PTPRD: variants seen among roughly 807,000 people sequenced by gnomAD.
PTPRD encodes the protein receptor-type tyrosine-protein phosphatase delta.
Under a neutral mutation model 214.5 loss-of-function variants are expected in PTPRD, and 34 were observed. That is an observed-to-expected ratio of 0.16 (90% CI 0.12 to 0.21). The LOEUF is 0.21. Ranked by LOEUF, PTPRD falls within the 10% of genes least tolerant of loss-of-function variation. PTPRD has a pLI of 1.00. For synonymous variants in PTPRD, 1,128 were observed against 845.7 expected (o/e 1.33, Z -5.79); for missense variants, 2,545 against 2,398.7 (o/e 1.06, Z -1.27).
rs7854348 is a variant in PTPRD at position 8,929,743 on chromosome 9, G to A, written c.-104+88954C>T. 1.3e-3 allele frequency among the ~76,000 whole-genome samples: 104 copies of A among 77,912 alleles called. 4 individuals carry two copies. Among genetic ancestry groups the A allele is most frequent in the African/African-American group, 3.4e-3 (68 of 19,966 alleles). The allele number at this position is 77,912 out of a possible 152,430, so 51.1% of individuals were successfully genotyped here. On this transcript the variant is annotated intron_variant, in intron 11 of 45. Transcript: ENST00000381196. ...TGTATATATATATGTGTATATATAT[G>A]TGTATATATATATGTATATATATGT...
At chr9:10,383,533 T>A (rs1050313062) in intron 2 of PTPRD, among the ~76,000 whole-genome samples, 3 of 151,852 alleles carry the variant, frequency 2.0e-5, no homozygotes, top group African/African-American at 7.2e-5. Context: ...GGAAGACAAT[T>A]CAGTTGACAT....
At chr9:9,522,101 G>A (rs1387270937) in intron 8 of PTPRD, among the ~76,000 whole-genome samples, 1 of 144,066 alleles carries the variant, frequency 6.9e-6, no homozygotes, top group Non-Finnish European at 1.5e-5. Context: ...AGGTTGTGGT[G>A]AGCTGAGATT....
chr9:10,524,651 T>A (rs549160311), intron 2 of PTPRD, among the ~76,000 whole-genome samples: 7 of 152,184 alleles, frequency 4.6e-5, no homozygotes, highest in Admixed American at 1.3e-4. Flanking sequence ...CTCTTCAGCA[T>A]TTGGATTCAG....
At chr9:10,267,654 G>A (rs2475350) in intron 3 of PTPRD, among the ~76,000 whole-genome samples, 1 of 152,032 alleles carries the variant, frequency 6.6e-6, no homozygotes, top group Non-Finnish European at 1.5e-5. Context: ...ATTTTGGCAT[G>A]TCTTACCAGG....
chr9:10,498,583 G>A (rs901148316), intron 2 of PTPRD, among the ~76,000 whole-genome samples: 2 of 151,638 alleles, frequency 1.3e-5, no homozygotes, highest in African/African-American at 4.8e-5. Context: ...TAAGATATAC[G>A]CATTTTTGTA....
intron 11 of PTPRD, among the ~76,000 whole-genome samples, chr9:8,984,835 A>G (rs1469609277): frequency 6.6e-6 from 1 of 152,128 alleles, no homozygotes; most frequent in Non-Finnish European, 1.5e-5. Flanking sequence ...TGTGGGAATC[A>G]TATATTACAT....
intron 11 of PTPRD, among the ~76,000 whole-genome samples, chr9:8,803,016 C>A (rs989086610): frequency 6.6e-6 from 1 of 152,086 alleles, no homozygotes; most frequent in Admixed American, 6.6e-5. Context: ...ACAACAGCAC[C>A]ATTGTACTCC....
chr9:10,129,000 G>A (rs1324036124), intron 3 of PTPRD, among the ~76,000 whole-genome samples: 1 of 152,022 alleles, frequency 6.6e-6, no homozygotes, highest in African/African-American at 2.4e-5. Context: ...TTGGCTTTGG[G>A]AATACACAAA....
intron 11 of PTPRD, among the ~76,000 whole-genome samples, chr9:8,939,966 T>C (rs886404997): frequency 1.3e-5 from 2 of 151,988 alleles, no homozygotes; most frequent in African/African-American, 2.4e-5. Context: ...ACTCAGTTAA[T>C]CTTTTTTTAA....
At chr9:9,391,897 T>C (rs970902418) in intron 9 of PTPRD, among the ~76,000 whole-genome samples, 1 of 152,140 alleles carries the variant, frequency 6.6e-6, no homozygotes, top group Non-Finnish European at 1.5e-5. Flanking sequence ...TAAAGAAGAC[T>C]TTGGTTCACA....
In PTPRD at chr9:8,749,563, A is replaced by C. The variant is rs1006187594; in HGVS notation, c.-103-15617T>G. On this transcript the variant is annotated intron_variant, in intron 11 of 45. Coordinates refer to ENST00000381196, the MANE Select transcript of PTPRD (RefSeq NM_002839.4). ...GACATATTTTACTAGTCTGTCCACC[A>C]ATCTCTATGTGACAGCTGATGTCAA... is the stretch of plus-strand genomic sequence containing the variant. Among the ~76,000 whole-genome samples the C allele has an allele frequency of 3.9e-5, 6 of 152,342 alleles. No individual in the cohort carries two copies. In the South Asian group the frequency reaches 8.3e-4, roughly 21 times the overall value.
intron 7 of PTPRD, among the ~76,000 whole-genome samples, chr9:9,581,737 A>G (rs766157089): frequency 6.6e-6 from 1 of 152,150 alleles, no homozygotes; most frequent in Non-Finnish European, 1.5e-5. Context: ...AAGATCTTAA[A>G]TCTTGGGAAA....
chr9:9,378,111 T>G (rs1232148213), intron 9 of PTPRD, among the ~76,000 whole-genome samples: 1 of 152,050 alleles, frequency 6.6e-6, no homozygotes, highest in Non-Finnish European at 1.5e-5. Flanking sequence ...CACATTAGGG[T>G]TCGCTCTTGG....
intron 44 of PTPRD, among the ~76,000 whole-genome samples, chr9:8,329,609 G>A (rs754087155): frequency 3.2e-4 from 49 of 152,138 alleles, no homozygotes; most frequent in Non-Finnish European, 2.4e-4. Flanking sequence ...CTGAAGCTGT[G>A]CCCACAGCTG....
At chr9:8,805,735 C>T (rs951690424) in intron 11 of PTPRD, among the ~76,000 whole-genome samples, 6 of 151,416 alleles carry the variant, frequency 4.0e-5, no homozygotes, top group African/African-American at 7.3e-5. Context: ...GTGGGTCACA[C>T]CTGTAATTCC....
In PTPRD at chr9:10,180,677, T is replaced by G. The variant is rs1033512646; in HGVS notation, c.-544-146887A>C. On this transcript the variant is annotated intron_variant, in intron 3 of 45. Coordinates refer to ENST00000381196, the MANE Select transcript of PTPRD (RefSeq NM_002839.4). ...ACTTAAAAATACTAAAAAAATAGAT[T>G]AGCTTACCAAATCAACAGTATATTA... is the stretch of plus-strand genomic sequence containing the variant. Among the ~76,000 whole-genome samples, 10 of 151,046 alleles carry G rather than the reference T, an allele frequency of 6.6e-5. No homozygotes were observed. The East Asian group carries it at 1.9e-3, about 29-fold the overall frequency.
At chr9:10,256,816 T>C (rs1044882431) in intron 3 of PTPRD, among the ~76,000 whole-genome samples, 1 of 152,172 alleles carries the variant, frequency 6.6e-6, no homozygotes, top group African/African-American at 2.4e-5. Context: ...TCTTTGCACA[T>C]GGTGTTTCCC....
chr9:8,608,820 GGATCTTCAT>G (rs1338628006), intron 14 of PTPRD, among the ~76,000 whole-genome samples: 1 of 152,000 alleles, frequency 6.6e-6, no homozygotes, highest in Non-Finnish European at 1.5e-5. Flanking sequence ...TTCTCTTCAG[GGATCTTCAT>G]GAATCGGGCC....
chr9:9,324,904 A>G (rs1187922308), intron 9 of PTPRD, among the ~76,000 whole-genome samples: 1 of 152,164 alleles, frequency 6.6e-6, no homozygotes, highest in Non-Finnish European at 1.5e-5. Context: ...TCAGCTTTCT[A>G]CGTATGGCTA....
Sources: allele counts gnomAD v4.1 joint callset (sites outside exome capture counted in the v4.1 genomes callset), GRCh38; gene constraint gnomAD v4.1.1; transcripts MANE v1.5; gene names NCBI Gene and HGNC (gene_info 2026-07-23, HGNC 2026-07-21).